The following GALNT3 variants were observed in gnomAD, a reference collection of about 807,000 sequenced individuals.
The protein encoded by GALNT3 is polypeptide N-acetylgalactosaminyltransferase 3.
Under a neutral mutation model 69.8 loss-of-function variants are expected in GALNT3, and 51 were observed. The ratio of observed to expected loss-of-function variants is 0.73; its 90% CI spans 0.58 to 0.92. GALNT3 has a LOEUF of 0.92. Ranked by LOEUF, GALNT3 falls within the 40% of genes least tolerant of loss-of-function variation. The pLI is 0.00. For missense variants in GALNT3, 711 were observed against 760.0 expected (o/e 0.94, Z 0.76); for synonymous variants, 265 against 248.5 (o/e 1.07, Z -0.63).
chr2:165,760,427 T>C (rs1688524662), intron 4 of GALNT3, among the ~76,000 whole-genome samples: 1 of 152,184 alleles, frequency 6.6e-6, no homozygotes, highest in Non-Finnish European at 1.5e-5. Flanking sequence ...GTTCAGCCAA[T>C]GCATGTGCTG....
At chr2:165,788,592 G>A (rs1683278879) in intron 1 of GALNT3, among the ~76,000 whole-genome samples, 1 of 151,606 alleles carries the variant, frequency 6.6e-6, no homozygotes, top group Admixed American at 6.6e-5. Flanking sequence ...CCCTGCTCAG[G>A]TATATGTGGA....
In GALNT3 at chr2:165,748,833, GA is replaced by G; in HGVS notation, c.1849del (p.Ser617HisfsTer25). On this transcript the variant is annotated frameshift_variant, in exon 11 of 11. Coordinates refer to ENST00000392701, the MANE Select transcript of GALNT3 (RefSeq NM_004482.4). LOFTEE classifies it high-confidence loss of function. ...TTGGAGTGGATCTGATGGGTTGCAT[GA>G]CACTAAACTTGGATGCTCTCCATTT... ...SANGEHPSLVSCNPSDPLQKW... is the reference protein window; with the variant it reads ...SANGEHPSLVXCNPSDPLQKW... 1 of 1,611,556 alleles carries G rather than the reference GA, an allele frequency of 6.2e-7. No individual in the cohort carries two copies. Among genetic ancestry groups the G allele is most frequent in the Non-Finnish European group, 8.5e-7 (1 of 1,178,288 alleles).
Position 165,770,573 on chromosome 2 carries a change from A to G in GALNT3, c.128T>C (p.Val43Ala), listed in dbSNP as rs759549269. 3 of 1,613,124 alleles carry G rather than the reference A, an allele frequency of 1.9e-6. No individual in the cohort carries two copies. The South Asian group carries it at 3.3e-5, about 18-fold the overall frequency. Residue 43 changes from valine to alanine, a missense_variant, in exon 2 of 11, where the codon GTT (valine) becomes GCT (alanine). By Grantham distance (64) the Val-to-Ala change is moderately conservative. Transcript: ENST00000392701. ...VLVLMQREVSVQYSKEESRME... is the reference protein window; with the variant it reads ...VLVLMQREVSAQYSKEESRME... ...CCTTGATTCCTCTTTGGAATATTGA[A>G]CACTTACTTCTCTTTGCATTAAAAC...
chr2:165,761,464 G>A (rs1047524962), intron 4 of GALNT3, among the ~76,000 whole-genome samples: 4 of 151,960 alleles, frequency 2.6e-5, no homozygotes, highest in African/African-American at 7.3e-5. Flanking sequence ...CACCAACGCC[G>A]GCCTCCCAAA....
chr2:165,758,664 T>C, intron 6 of GALNT3, 83 bp downstream of exon 6: 1 of 906,688 alleles, frequency 1.1e-6, no homozygotes, highest in South Asian at 1.4e-5. Context: ...TGCACACATC[T>C]GTAATCATAT....
intron 9 of GALNT3, among the ~76,000 whole-genome samples, chr2:165,754,030 TA>T (rs1310533486): frequency 1.3e-5 from 2 of 151,016 alleles, no homozygotes; most frequent in African/African-American, 2.4e-5. Context: ...AGTTTCTTTT[TA>T]AAAAAAATTT....
intron 1 of GALNT3, among the ~76,000 whole-genome samples, chr2:165,779,635 T>C (rs1683060270): frequency 6.6e-6 from 1 of 152,178 alleles, no homozygotes; most frequent in Admixed American, 6.5e-5. Flanking sequence ...TCCAACGGCT[T>C]CTATTTAACA....
chr2:165,773,305 T>G (rs577880684), intron 1 of GALNT3, among the ~76,000 whole-genome samples: 1 of 152,350 alleles, frequency 6.6e-6, no homozygotes, highest in South Asian at 2.1e-4. Context: ...CCCCTGCACA[T>G]GTTCTCTTGC....
chr2:165,754,660 A>G lies in GALNT3; in HGVS notation c.1593T>C (p.Ile531=). 6.2e-7 allele frequency: 1 copy of G among 1,613,660 alleles called. No individual in the cohort carries two copies. Among genetic ancestry groups the G allele is most frequent in the Non-Finnish European group, 8.5e-7 (1 of 1,179,720 alleles). ...CCCCAAGTCCATGACATGTATACAT[A>G]ATTAATGGTTTGCCTCCTTGATTGT... is the stretch of plus-strand genomic sequence containing the variant. The part of the protein sequence containing the change: ...GENNQGGKPL[I]MYTCHGLGGN... The change falls in exon 9 of 11, where the codon ATT becomes ATC. Residue 531 remains isoleucine, a synonymous_variant. Transcript: ENST00000392701.
chr2:165,785,853 A>C (rs541482983), intron 1 of GALNT3, among the ~76,000 whole-genome samples: 1 of 152,342 alleles, frequency 6.6e-6, no homozygotes, highest in South Asian at 2.1e-4. Context: ...GTTAGACTAC[A>C]TGGAAAACCA....
At chr2:165,759,739 TAAA>T (rs918349745) in intron 4 of GALNT3, among the ~76,000 whole-genome samples, 169 bp from the exon 5 acceptor site, 25 of 152,310 alleles carry the variant, frequency 1.6e-4, no homozygotes, top group African/African-American at 4.8e-4. Context: ...ATATAACAAA[TAAA>T]AATTCTATAC....
chr2:165,761,951 T>TCCTAGCAACCGAGCAGTGATCAGA lies in GALNT3; in HGVS notation c.768_791dup (p.Leu257_Gly264dup). The TCCTAGCAACCGAGCAGTGATCAGA allele has an allele frequency of 6.2e-7, 1 of 1,614,126 alleles. No individual in the cohort carries two copies. The highest frequency in any genetic ancestry group is 1.1e-5 in the South Asian group (1 of 91,082). On this transcript the variant is annotated inframe_insertion, in exon 4 of 11. Coordinates refer to ENST00000392701, the MANE Select transcript of GALNT3 (RefSeq NM_004482.4). The stretch of plus-strand genomic sequence containing the variant: ...GCGTTTCAGCTGTTGCGACTGTTGC[T>TCCTAGCAACCGAGCAGTGATCAGA]CCTAGCAACCGAGCAGTGATCAGAC...
At chr2:165,771,323 G>A (rs925849793) in intron 1 of GALNT3, 1 of 152,132 alleles carries the variant, frequency 6.6e-6, no homozygotes, top group Non-Finnish European at 1.5e-5. Flanking sequence ...TCATCAGTAA[G>A]TAAACTATTA....
intron 7 of GALNT3, among the ~76,000 whole-genome samples, chr2:165,756,571 C>T (rs1379472259): frequency 6.6e-6 from 1 of 152,050 alleles, no homozygotes; most frequent in East Asian, 1.9e-4. Context: ...GAAGTGTCTT[C>T]CCTATTTTAC....
Position 165,794,152 on chromosome 2 carries a change from T to G in GALNT3, c.-246A>C, listed in dbSNP as rs759149342. The G allele has an allele frequency of 9.0e-4, 137 of 152,612 alleles. No homozygotes were observed. The highest frequency in any genetic ancestry group is 1.6e-3 in the Non-Finnish European group (107 of 68,356). 9.5% of individuals were successfully genotyped at this position (152,612 alleles called of 1,614,324 possible). On this transcript the variant is annotated 5_prime_UTR_variant, in exon 1 of 11. Coordinates refer to ENST00000392701, the MANE Select transcript of GALNT3 (RefSeq NM_004482.4). The stretch of plus-strand genomic sequence containing the variant: ...AGTTGCGGCTCAGTAGAGCTCCTCC[T>G]CCGCCGCCGCCTCCTGCCTTCCCGC...
rs868454784 is a variant in GALNT3, at chr2:165,764,932, C to T, written c.640G>A (p.Ala214Thr). The T allele has an allele frequency of 6.2e-7, 1 of 1,614,192 alleles. No individual in the cohort carries two copies. Among genetic ancestry groups the T allele is most frequent in the Non-Finnish European group, 8.5e-7 (1 of 1,180,022 alleles). The change falls in exon 3 of 11, where the codon GCA becomes ACA. Residue 214 changes from alanine (A) to threonine (T), a missense_variant. Physicochemically the swap from Ala to Thr is moderately conservative, Grantham distance 58. Coordinates refer to ENST00000392701, the MANE Select transcript of GALNT3 (RefSeq NM_004482.4). ...TVHSVLYSSP[A>T]ILLKEIILVD... ...AAAATGATTTCCTTCAGCAGTATTGCAGGTGAAGAATAGAGCACACTGTGG... is the reference window on the plus strand; with the variant it reads ...AAAATGATTTCCTTCAGCAGTATTGTAGGTGAAGAATAGAGCACACTGTGG...
intron 1 of GALNT3, among the ~76,000 whole-genome samples, chr2:165,788,466 G>GGTAT (rs1683272590): frequency 7.2e-6 from 1 of 139,530 alleles, no homozygotes; most frequent in African/African-American, 2.7e-5. Context: ...AATCCAAAAG[G>GGTAT]GTGTGTGTGT....
chr2:165,754,534 A>G lies in GALNT3; in HGVS notation c.1626+93T>C, dbSNP rs867896147. On this transcript the variant is annotated intron_variant, in intron 9 of 10. Transcript: ENST00000392701. ...CATTTCACACACAGCTTACCCAAGT[A>G]TAAAGCTGCTGTGGGACTTCTGAAA... 20 of 875,716 alleles carry G rather than the reference A, an allele frequency of 2.3e-5. No homozygotes were observed. In the Middle Eastern group the frequency reaches 3.9e-3, roughly 169 times the overall value. 54.2% of individuals were successfully genotyped at this position (875,716 alleles called of 1,614,324 possible). A position where few individuals can be genotyped will look rare whatever the true frequency, so the allele number is the denominator to read the frequency against.
At chr2:165,749,973 C>G in intron 9 of GALNT3, 79 bp from the exon 10 acceptor site, 1 of 1,212,176 alleles carries the variant, frequency 8.2e-7, no homozygotes, top group Admixed American at 1.7e-5. Flanking sequence ...ATCAGCAACT[C>G]GTTAAATAAT....
Sources: allele counts gnomAD v4.1 joint callset (sites outside exome capture counted in the v4.1 genomes callset), GRCh38; gene constraint gnomAD v4.1.1; transcripts MANE v1.5; gene names NCBI Gene and HGNC (gene_info 2026-07-23, HGNC 2026-07-21).